Variants in EVA1C observed in about 807,000 individuals in gnomAD.
The protein encoded by EVA1C is eva-1 homolog C, also known as protein eva-1 homolog C.
A neutral mutation model predicts 45.4 loss-of-function variants in EVA1C; 25 were observed. That is an observed-to-expected ratio of 0.55 (90% CI 0.40 to 0.77). EVA1C has a LOEUF of 0.77. EVA1C is among the 30% of genes least tolerant of loss of function. The pLI is 0.00. For synonymous variants in EVA1C, 190 were observed against 221.2 expected (o/e 0.86, Z 1.25); for missense variants, 479 against 554.8 (o/e 0.86, Z 1.37).
In EVA1C at chr21:32,486,607, T is replaced by G. The variant is rs138498471; in HGVS notation, c.635-8420T>G. On this transcript the variant is annotated intron_variant, in intron 4 of 7. Coordinates refer to ENST00000300255, the MANE Select transcript of EVA1C (RefSeq NM_058187.5). ...TGCTGCCAACATCTGTGGTCTCATT[T>G]AATCCTAAAATTTCTGGAAGAAACA... 1.1e-3 allele frequency among the ~76,000 whole-genome samples: 164 copies of G among 152,380 alleles called. 1 individual carries two copies. The highest frequency in any genetic ancestry group is 6.8e-3 in the Middle Eastern group (2 of 294).
chr21:32,419,608 G>A (rs959925235), intron 1 of EVA1C, among the ~76,000 whole-genome samples: 3 of 152,244 alleles, frequency 2.0e-5, no homozygotes, highest in East Asian at 1.9e-4. Flanking sequence ...CCAGCTACTC[G>A]GGAGACTGAG....
At chr21:32,494,413 C>T (rs1177413877) in intron 4 of EVA1C, among the ~76,000 whole-genome samples, 1 of 152,144 alleles carries the variant, frequency 6.6e-6, no homozygotes, top group Non-Finnish European at 1.5e-5. Context: ...CGTAAAAGAA[C>T]CAAGAATCTT....
chr21:32,472,081 G>A (rs374383797), intron 4 of EVA1C, among the ~76,000 whole-genome samples: 2 of 152,290 alleles, frequency 1.3e-5, no homozygotes, highest in African/African-American at 4.8e-5. Flanking sequence ...TCTGTAAGCC[G>A]AATGGTTTGT....
In EVA1C at chr21:32,484,835, G is replaced by A. The variant is rs140996358; in HGVS notation, c.635-10192G>A. 6.6e-4 allele frequency among the ~76,000 whole-genome samples: 101 copies of A among 152,232 alleles called. 1 individual carries two copies. Among genetic ancestry groups the A allele is most frequent in the Non-Finnish European group, 1.1e-3 (72 of 68,008 alleles). ...TTCTGTCTGTCCGCCGAGCAGCCAC[G>A]CCACTGGAGGAAGTTCCGGCCTCTG... On this transcript the variant is annotated intron_variant, in intron 4 of 7. Transcript: ENST00000300255.
chr21:32,427,009 G>C (rs1417140789), intron 1 of EVA1C, among the ~76,000 whole-genome samples: 4 of 152,116 alleles, frequency 2.6e-5, no homozygotes, highest in Non-Finnish European at 5.9e-5. Flanking sequence ...GAAAATAGCA[G>C]GCCTGTCAGA....
At chr21:32,497,433 A>G (rs1449368297) in intron 5 of EVA1C, 1 of 259,586 alleles carries the variant, frequency 3.9e-6, no homozygotes, top group South Asian at 5.1e-5. Flanking sequence ...GAAGGTACAT[A>G]TTATCTTATT....
At chr21:32,461,764 T>C (rs992364288) in intron 3 of EVA1C, among the ~76,000 whole-genome samples, 7 of 152,210 alleles carry the variant, frequency 4.6e-5, no homozygotes, top group Admixed American at 4.6e-4. Context: ...CGGAACCTTC[T>C]TTTCCCTAAT....
intron 7 of EVA1C, among the ~76,000 whole-genome samples, chr21:32,504,224 C>A (rs1268108869): frequency 6.6e-6 from 1 of 152,232 alleles, no homozygotes; most frequent in Non-Finnish European, 1.5e-5. Flanking sequence ...ACCACATAAA[C>A]AGACAAAGTC....
intron 4 of EVA1C, chr21:32,468,134 GGCT>G (rs2036246044): frequency 6.4e-6 from 1 of 156,884 alleles, no homozygotes; most frequent in Non-Finnish European, 1.4e-5. Context: ...CACTTTGGGA[GGCT>G]GAGGTGGGTG....
intron 5 of EVA1C, among the ~76,000 whole-genome samples, chr21:32,498,154 C>A (rs989623554): frequency 1.3e-5 from 2 of 152,136 alleles, no homozygotes; most frequent in African/African-American, 4.8e-5. Context: ...TTGTAATAAA[C>A]AAAGAGACAC....
At chr21:32,438,507 A>AC (rs2035053356) in intron 1 of EVA1C, among the ~76,000 whole-genome samples, 1 of 151,034 alleles carries the variant, frequency 6.6e-6, no homozygotes, top group African/African-American at 2.4e-5. Context: ...AAAAAAAAAA[A>AC]ACCAAAACGA....
At chr21:32,414,321 T>C (rs1485386231) in intron 1 of EVA1C, among the ~76,000 whole-genome samples, 1 of 152,192 alleles carries the variant, frequency 6.6e-6, no homozygotes, top group Non-Finnish European at 1.5e-5. Context: ...TTTGTACTAC[T>C]AGAACTTTCT....
chr21:32,434,373 C>T (rs568969308), intron 1 of EVA1C, among the ~76,000 whole-genome samples: 153 of 149,164 alleles, frequency 1.0e-3, no homozygotes, highest in African/African-American at 3.7e-3. Flanking sequence ...GGGCGGATCA[C>T]GAGGTCAGGA....
intron 3 of EVA1C, among the ~76,000 whole-genome samples, chr21:32,465,916 C>T (rs76859608): frequency 0.012 from 1,887 of 152,254 alleles, 38 homozygotes; most frequent in African/African-American, 0.043. Context: ...GTAGTGCAAC[C>T]GTGACCACAG....
intron 4 of EVA1C, among the ~76,000 whole-genome samples, chr21:32,469,184 G>A (rs2146307423): frequency 6.6e-6 from 1 of 152,346 alleles, no homozygotes; most frequent in South Asian, 2.1e-4. Context: ...CGTTCCAGCA[G>A]TGGATGGGGA....
intron 5 of EVA1C, among the ~76,000 whole-genome samples, chr21:32,501,032 C>T (rs1169739858): frequency 1.3e-5 from 2 of 152,018 alleles, no homozygotes; most frequent in South Asian, 2.1e-4. Context: ...AGGCTGGTCT[C>T]GAACTCCTGA....
chr21:32,445,154 T>C (rs986161139), intron 1 of EVA1C, among the ~76,000 whole-genome samples: 5 of 152,184 alleles, frequency 3.3e-5, no homozygotes, highest in Non-Finnish European at 5.9e-5. Flanking sequence ...ACAATTTTCA[T>C]AGGAGGGTGA....
At position 32,412,994 on chromosome 21, in the gene EVA1C, A is replaced by G; in HGVS notation, c.141A>G (p.Ser47=). 2.8e-6 allele frequency: 4 copies of G among 1,448,126 alleles called. No individual in the cohort carries two copies. The highest frequency in any genetic ancestry group is 1.5e-5 in the South Asian group (1 of 68,120). The allele number at this position is 1,448,126 out of a possible 1,614,324, so 89.7% of individuals were successfully genotyped here. Residue 47 remains serine, a synonymous_variant, in exon 1 of 8, where the codon TCA becomes TCG. Transcript: ENST00000300255. The stretch of plus-strand genomic sequence containing the variant: ...TCCTGGTCTGCTCCAAAGAGATCTC[A>G]GCGCTCACCGACTTCTCTGGTAAGA... ...CTVLVCSKEI[S]ALTDFSGYLT...
At chr21:32,504,060 TAA>T (rs746644303) in intron 7 of EVA1C, 45 bp downstream of exon 7, 3 of 1,336,544 alleles carry the variant, frequency 2.2e-6, no homozygotes, top group Non-Finnish European at 3.2e-6. Context: ...ATGGATTTAC[TAA>T]AGTCTTGTTA....
Sources: allele counts gnomAD v4.1 joint callset (sites outside exome capture counted in the v4.1 genomes callset), GRCh38; gene constraint gnomAD v4.1.1; transcripts MANE v1.5; gene names NCBI Gene and HGNC (gene_info 2026-07-23, HGNC 2026-07-21).